Variants in TTN observed in about 807,000 individuals in gnomAD.
The protein encoded by TTN is connectin.
TTN carries 1,525 observed loss-of-function variants against 3,223.0 expected under a neutral mutation model. The ratio of observed to expected loss-of-function variants is 0.47; its 90% CI spans 0.45 to 0.49. TTN has a LOEUF of 0.49. Among genes scored for constraint, TTN ranks in the 20% least tolerant of loss-of-function variants. TTN has a pLI of 0.00. For synonymous variants in TTN, 14,094 were observed against 15,161.0 expected, an observed-to-expected ratio of 0.93 and a Z score of 5.17; for missense variants, 40,786 against 43,424.0, an observed-to-expected ratio of 0.94 and a Z score of 5.40.
At chr2:178,713,718 A>G in intron 92 of TTN, 179 bp downstream of exon 92, 1 of 897,680 alleles carries the variant, frequency 1.1e-6, no homozygotes, top group East Asian at 2.7e-5. Flanking sequence ...AGAAAGGGAT[A>G]TAACTTTTGA....
intron 33 of TTN, 97 bp from the exon 34 acceptor site, chr2:178,771,568 C>A (rs2091491017): frequency 6.5e-7 from 1 of 1,536,144 alleles, no homozygotes; most frequent in South Asian, 1.1e-5. Flanking sequence ...AATTTAAGAA[C>A]ATGATTTTGA....
At chr2:178,735,402 G>T in intron 50 of TTN, 109 bp downstream of exon 50, 2 of 1,066,458 alleles carry the variant, frequency 1.9e-6, no homozygotes, top group Non-Finnish European at 1.3e-6. Flanking sequence ...TTTGCTGAAT[G>T]ACATTATTTT....
intron 243 of TTN, 72 bp from the exon 244 acceptor site, chr2:178,622,080 G>A: frequency 2.1e-6 from 3 of 1,416,420 alleles, no homozygotes; most frequent in Non-Finnish European, 2.8e-6. Flanking sequence ...GAAAAACTAT[G>A]ATCCTGAGTT....
chr2:178,707,905 T>G, intron 99 of TTN, 92 bp from the exon 100 acceptor site: 2 of 1,310,502 alleles, frequency 1.5e-6, no homozygotes, highest in Non-Finnish European at 2.1e-6. Flanking sequence ...AACTGGCCTC[T>G]AACAGGTAAC....
At chr2:178,747,579 C>T (rs1447306814) in intron 47 of TTN, 3 of 1,613,130 alleles carry the variant, frequency 1.9e-6, no homozygotes, top group Admixed American at 3.3e-5. Context: ...GTTACTTCTT[C>T]CACCTCCATT....
chr2:178,558,017 C>G lies in TTN; in HGVS notation c.87337G>C (p.Gly29113Arg), dbSNP rs373526664. Reference sequence around the variant, plus strand: ...TTGGCAGCAGTGATTTCATATCTCCCAGCGTCAGCTGTAACACTTTCTTTG... The same window carrying G: ...TTGGCAGCAGTGATTTCATATCTCCGAGCGTCAGCTGTAACACTTTCTTTG... ...NLKESVTADA[G>R]RYEITAANSS... The change falls in exon 328 of 363, where the codon GGG (glycine) becomes CGG (arginine). Residue 29113 changes from glycine to arginine, a missense_variant. By Grantham distance (125) the Gly-to-Arg change is moderately radical. Coordinates refer to ENST00000589042, the MANE Select transcript of TTN (RefSeq NM_001267550.2). The G allele has an allele frequency of 6.8e-6, 11 of 1,613,874 alleles. No homozygotes were observed. Among genetic ancestry groups the G allele is most frequent in the Non-Finnish European group, 9.3e-6 (11 of 1,179,844 alleles).
chr2:178,541,200 A>G, intron 350 of TTN, 82 bp downstream of exon 350: 1 of 1,296,232 alleles, frequency 7.7e-7, no homozygotes, highest in South Asian at 2.0e-5. Context: ...CAAAAGTCAT[A>G]GAACTATATA....
At chr2:178,779,569 A>T (rs1405256965) in intron 22 of TTN, 107 bp from the exon 23 acceptor site, 2 of 762,330 alleles carry the variant, frequency 2.6e-6, no homozygotes, top group Non-Finnish European at 4.2e-6. Flanking sequence ...CTGGGAGAAG[A>T]ATCTAGAGGA....
rs186675165 is a variant in TTN, at chr2:178,545,435, C to A, written c.95675G>T (p.Ser31892Ile). ...GAAGTTGGAAGCTTCGCTGGGCTCACTGTTACCAGCTGCATTCACTGCGGT... is the reference window on the plus strand; with the variant it reads ...GAAGTTGGAAGCTTCGCTGGGCTCAATGTTACCAGCTGCATTCACTGCGGT... ...RVTAVNAAGNSEPSEASNFIS... is the reference protein window; with the variant it reads ...RVTAVNAAGNIEPSEASNFIS... The change falls in exon 344 of 363, where the codon AGT (serine) becomes ATT (isoleucine). Residue 31892 changes from serine to isoleucine, a missense_variant. Physicochemically the swap from Ser to Ile is moderately radical, Grantham distance 142 (BLOSUM62 -2). Transcript: ENST00000589042. 1.2e-6 allele frequency: 2 copies of A among 1,605,826 alleles called. No homozygotes were observed. Among genetic ancestry groups the A allele is most frequent in the Non-Finnish European group, 1.7e-6 (2 of 1,173,622 alleles).
chr2:178,783,954 G>C, intron 16 of TTN, 116 bp downstream of exon 16: 1 of 1,543,172 alleles, frequency 6.5e-7, no homozygotes, highest in South Asian at 1.1e-5. Flanking sequence ...TCAAGTCTTA[G>C]TATGGCAAAG....
Position 178,714,562 on chromosome 2 carries a change from A to T in TTN, c.26212T>A (p.Phe8738Ile), listed in dbSNP as rs1335039200. The T allele has an allele frequency of 1.1e-5, 18 of 1,599,306 alleles. No individual in the cohort carries two copies. In the East Asian group the frequency reaches 4.0e-4, roughly 36 times the overall value. ...GSIALKAPPR[F>I]VKKLSDISTV... ...GATATGTCACTGAGCTTCTTCACAAATCTTGGTGGTGCTGATGAAAAAGGA... is the reference window on the plus strand; with the variant it reads ...GATATGTCACTGAGCTTCTTCACAATTCTTGGTGGTGCTGATGAAAAAGGA... Residue 8738 changes from phenylalanine (F) to isoleucine (I), a missense_variant, in exon 91 of 363, where the codon TTT becomes ATT. By Grantham distance (21) the Phe-to-Ile change is conservative (BLOSUM62 0). Coordinates refer to ENST00000589042, the MANE Select transcript of TTN (RefSeq NM_001267550.2).
At position 178,527,751 on chromosome 2, in the gene TTN, G is replaced by A. The variant is rs762133725; in HGVS notation, c.107378-3C>T. ...TCTGGAAGGTTCTTCAACTAGAGCT[G>A]TGGAGCATAGCAGATACACAGTGAA... is the stretch of plus-strand genomic sequence containing the variant. On this transcript the variant is annotated splice_polypyrimidine_tract_variant and splice_region_variant and intron_variant, in intron 361 of 362. Coordinates refer to ENST00000589042, the MANE Select transcript of TTN (RefSeq NM_001267550.2). The A allele has an allele frequency of 6.3e-7, 1 of 1,583,052 alleles. No individual in the cohort carries two copies. The highest frequency in any genetic ancestry group is 2.2e-5 in the East Asian group (1 of 44,578).
Position 178,725,816 on chromosome 2 carries a change from G to A in TTN, c.20506C>T (p.Gln6836Ter). Reference protein sequence around the residue: ...SDIGEYHCKAQNEVGSDTCVC... With the variant: ...SDIGEYHCKA ...CAAGTATCACTTCCCACTTCATTCTGTGCTTTGCAGTGGTATTCACCGATG... is the reference window on the plus strand; with the variant it reads ...CAAGTATCACTTCCCACTTCATTCTATGCTTTGCAGTGGTATTCACCGATG... The change falls in exon 70 of 363, where the codon CAG (glutamine) becomes TAG (stop). Residue 6836 changes from glutamine to a stop codon, truncating the protein, a stop_gained. Transcript: ENST00000589042. LOFTEE classifies it high-confidence loss of function. The A allele has an allele frequency of 6.2e-7, 1 of 1,612,062 alleles. No homozygotes were observed. The highest frequency in any genetic ancestry group is 8.5e-7 in the Non-Finnish European group (1 of 1,178,754).
Position 178,738,284 on chromosome 2 carries a change from G to T in TTN, c.14169C>A (p.Ile4723=), listed in dbSNP as rs397517479. Residue 4723 remains isoleucine, a synonymous_variant, in exon 49 of 363, where the codon ATC becomes ATA. Transcript: ENST00000589042. ...GGAACCGGACATTGGGAGCACTTTG[G>T]ATCTCACAGGTGAATTTGGCTAGGT... ...LGHLAKFTCE[I]QSAPNVRFQW... is the part of the protein sequence containing the mutation. 7 of 1,613,566 alleles carry T rather than the reference G, an allele frequency of 4.3e-6. No homozygotes were observed. In the South Asian group the frequency reaches 6.6e-5, roughly 15 times the overall value.
Position 178,785,939 on chromosome 2 carries a change from A to G in TTN, c.2279T>C (p.Val760Ala). 2 of 1,614,108 alleles carry G rather than the reference A, an allele frequency of 1.2e-6. No homozygotes were observed. Among genetic ancestry groups the G allele is most frequent in the Non-Finnish European group, 1.7e-6 (2 of 1,180,010 alleles). ...TACTCTAGGCTTGACTGCTTTAGGG[A>G]CAACGTGGGGTTCTGAGGCTGGACG... ...PQRPASEPHV[V>A]PKAVKPRVIQ... Residue 760 changes from valine (V) to alanine (A), a missense_variant, in exon 14 of 363, where the codon GTC (valine) becomes GCC (alanine). Coordinates refer to ENST00000589042, the MANE Select transcript of TTN (RefSeq NM_001267550.2).
At chr2:178,587,023 A>C (rs935441530) in intron 307 of TTN, 95 bp downstream of exon 307, 1 of 1,514,548 alleles carries the variant, frequency 6.6e-7, no homozygotes, top group Non-Finnish European at 9.0e-7. Context: ...TACAAATGAA[A>C]TCTCTTTCAG....
intron 18 of TTN, 46 bp from the exon 19 acceptor site, chr2:178,782,648 C>G: frequency 1.2e-6 from 2 of 1,609,900 alleles, no homozygotes; most frequent in Non-Finnish European, 1.7e-6. Flanking sequence ...TGTTTAGTGA[C>G]CCCTGCTTAG....
Position 178,727,690 on chromosome 2 carries a change from A to C in TTN, c.19888T>G (p.Phe6630Val), listed in dbSNP as rs1259557024. The C allele has an allele frequency of 1.2e-6, 2 of 1,613,186 alleles. No individual in the cohort carries two copies. The highest frequency in any genetic ancestry group is 2.2e-5 in the South Asian group (2 of 91,042). ...CFIGLEGSTS[F>V]LNLYSVDASK... ...GCATCCACTGAGTAGAGATTTAAGAAGCTAGTCGACCCTTCCAAGCCAATG... is the reference window on the plus strand; with the variant it reads ...GCATCCACTGAGTAGAGATTTAAGACGCTAGTCGACCCTTCCAAGCCAATG... Residue 6630 changes from phenylalanine to valine, a missense_variant, in exon 68 of 363, where the codon TTC (phenylalanine) becomes GTC (valine). Transcript: ENST00000589042.
Position 178,565,436 on chromosome 2 carries a change from A to C in TTN, c.80696T>G (p.Ile26899Arg). ...TGGTCGGCCTATAACTGGAATTTCTATTTTAAGATCTTCTCCAGCTTGGAT... is the reference window on the plus strand; with the variant it reads ...TGGTCGGCCTATAACTGGAATTTCTCTTTTAAGATCTTCTCCAGCTTGGAT... ...YSIQAGEDLK[I>R]EIPVIGRPRP... The change falls in exon 326 of 363, where the codon ATA (isoleucine) becomes AGA (arginine). Residue 26899 changes from isoleucine (I) to arginine (R), a missense_variant. Transcript: ENST00000589042. The C allele has an allele frequency of 6.2e-7, 1 of 1,613,348 alleles. No homozygotes were observed. Among genetic ancestry groups the C allele is most frequent in the Non-Finnish European group, 8.5e-7 (1 of 1,179,614 alleles).
Sources: allele counts gnomAD v4.1 joint callset, GRCh38; gene constraint gnomAD v4.1.1; transcripts MANE v1.5; gene names NCBI Gene and HGNC (gene_info 2026-07-23, HGNC 2026-07-21).